TAF4B: variants seen among roughly 807,000 people sequenced by gnomAD.
TAF4B encodes TATA-box binding protein associated factor 4b.
TAF4B carries 38 observed loss-of-function variants against 86.4 expected under a neutral mutation model. The observed-to-expected ratio is 0.44, with a 90% confidence interval of 0.34 to 0.58. The LOEUF (loss-of-function observed/expected upper bound fraction) is 0.58. Ranked by LOEUF, TAF4B falls within the 20% of genes least tolerant of loss-of-function variation. The probability of loss-of-function intolerance (pLI) is 0.02; values close to 1 mark genes in which losing one functional copy is unlikely to be tolerated. For missense variants in TAF4B, 988 were observed against 1,027.6 expected, an observed-to-expected ratio of 0.96 and a Z score of 0.53; for synonymous variants, 388 against 391.2, an observed-to-expected ratio of 0.99 and a Z score of 0.10.
chr18:26,376,323 G>A (rs375705937), intron 14 of TAF4B, among the ~76,000 whole-genome samples: 2 of 151,276 alleles, frequency 1.3e-5, no homozygotes, highest in South Asian at 2.1e-4. Flanking sequence ...ATATTAAATA[G>A]TCTTTTCATT....
chr18:26,240,263 G>T (rs1249390854), intron 1 of TAF4B, among the ~76,000 whole-genome samples: 1 of 152,170 alleles, frequency 6.6e-6, no homozygotes, highest in Admixed American at 6.5e-5. Flanking sequence ...ATTTCATTGA[G>T]CAGTGGTTTG....
intron 14 of TAF4B, among the ~76,000 whole-genome samples, chr18:26,379,212 C>T (rs917339971): frequency 2.0e-5 from 3 of 152,046 alleles, no homozygotes; most frequent in African/African-American, 4.8e-5. Flanking sequence ...TTAATTTTGA[C>T]GAAGTCCAAT....
chr18:26,239,771 G>A lies in TAF4B; in HGVS notation c.343+12495G>A, dbSNP rs1331298256. Among the ~76,000 whole-genome samples, 6 of 152,184 alleles carry A rather than the reference G, an allele frequency of 3.9e-5. No individual in the cohort carries two copies. The South Asian group carries it at 6.2e-4, about 16-fold the overall frequency. The stretch of plus-strand genomic sequence containing the variant: ...TCTTGAATTAAGTTTTATATAAGGT[G>A]TAAGGAAGGGATCCAGTTTCAGCTT... On this transcript the variant is annotated intron_variant, in intron 1 of 14. Transcript: ENST00000269142.
intron 1 of TAF4B, among the ~76,000 whole-genome samples, chr18:26,230,268 G>A (rs2055645192): frequency 6.6e-6 from 1 of 152,186 alleles, no homozygotes; most frequent in South Asian, 2.1e-4. Flanking sequence ...CTGTACAAAA[G>A]TGTGAAAGTT....
rs1567913990 is a variant in TAF4B at position 26,346,843 on chromosome 18, GTGTATATATATATA to G, written c.2317-10843_2317-10830del. On this transcript the variant is annotated intron_variant, in intron 13 of 14. Transcript: ENST00000269142. Reference sequence around the variant, plus strand: ...TGTGTGTATATATATATATGTGTGTGTGTATATATATATATGTGTATATATATATATGTGTATAT... The same window carrying G: ...TGTGTGTATATATATATATGTGTGTGTGTGTATATATATATATGTGTATAT... 2.5e-3 allele frequency among the ~76,000 whole-genome samples: 43 copies of G among 17,198 alleles called. 1 individual carries two copies. The highest frequency in any genetic ancestry group is 4.9e-3 in the African/African-American group (33 of 6,766). The allele number at this position is 17,198 out of a possible 152,430, so 11.3% of individuals were successfully genotyped here.
intron 9 of TAF4B, among the ~76,000 whole-genome samples, chr18:26,309,831 T>A (rs2056835896): frequency 6.6e-6 from 1 of 152,074 alleles, no homozygotes; most frequent in Non-Finnish European, 1.5e-5. Context: ...ATATTTATTT[T>A]TTATTTTTTA....
intron 14 of TAF4B, among the ~76,000 whole-genome samples, chr18:26,364,637 GT>G (rs200922259): frequency 3.3e-5 from 5 of 150,042 alleles, no homozygotes; most frequent in South Asian, 2.1e-4. Context: ...ATCCAGCAAC[GT>G]TTTTTTTTAG....
chr18:26,229,698 T>TG (rs2055634443), intron 1 of TAF4B, among the ~76,000 whole-genome samples: 1 of 152,056 alleles, frequency 6.6e-6, no homozygotes, highest in Non-Finnish European at 1.5e-5. Flanking sequence ...AGATGGGGTT[T>TG]CACCATGTTG....
intron 1 of TAF4B, among the ~76,000 whole-genome samples, chr18:26,264,225 G>A (rs942428354): frequency 5.9e-5 from 9 of 152,162 alleles, no homozygotes; most frequent in Non-Finnish European, 1.3e-4. Context: ...GATCACCTGG[G>A]ATCAGGGATT....
chr18:26,360,165 T>C (rs1248026120), intron 14 of TAF4B, among the ~76,000 whole-genome samples: 1 of 152,222 alleles, frequency 6.6e-6, no homozygotes, highest in African/African-American at 2.4e-5. Flanking sequence ...TCATGATTTT[T>C]ATTAACAATT....
intron 13 of TAF4B, among the ~76,000 whole-genome samples, chr18:26,339,368 C>T (rs2057118659): frequency 6.6e-6 from 1 of 152,136 alleles, no homozygotes; most frequent in South Asian, 2.1e-4. Flanking sequence ...CTCTGTCACC[C>T]AGGCTGGAGC....
chr18:26,294,787 G>A (rs1406521724), intron 9 of TAF4B, among the ~76,000 whole-genome samples: 1 of 150,062 alleles, frequency 6.7e-6, no homozygotes. Flanking sequence ...TTTTACATAG[G>A]TAATAGATGG....
intron 1 of TAF4B, among the ~76,000 whole-genome samples, chr18:26,231,949 T>C (rs116433985): frequency 0.014 from 2,169 of 152,290 alleles, 40 homozygotes; most frequent in African/African-American, 0.05. Context: ...TGCACTTTTT[T>C]CAGTTCTCCC....
At chr18:26,256,397 C>T (rs770641560) in intron 1 of TAF4B, 18 of 1,173,206 alleles carry the variant, frequency 1.5e-5, no homozygotes, top group Non-Finnish European at 2.2e-5. Flanking sequence ...GCAGCCGTTC[C>T]ACGCGCAATA....
At chr18:26,382,709 G>C (rs531235145) in intron 14 of TAF4B, among the ~76,000 whole-genome samples, 1 of 152,074 alleles carries the variant, frequency 6.6e-6, no homozygotes, top group African/African-American at 2.4e-5. Context: ...GATGTTATTG[G>C]GTGACTCCAA....
chr18:26,244,074 T>C (rs777140553), intron 1 of TAF4B, among the ~76,000 whole-genome samples: 9 of 152,308 alleles, frequency 5.9e-5, no homozygotes, highest in Non-Finnish European at 1.2e-4. Context: ...TCAAACTCCG[T>C]GCTGGGAGAA....
At chr18:26,284,671 A>G (rs2056488770) in intron 6 of TAF4B, among the ~76,000 whole-genome samples, 1 of 152,170 alleles carries the variant, frequency 6.6e-6, no homozygotes, top group South Asian at 2.1e-4. Context: ...TGAGGTGAGG[A>G]GATGGAGACC....
intron 14 of TAF4B, among the ~76,000 whole-genome samples, chr18:26,367,715 C>T (rs1395580776): frequency 6.6e-6 from 1 of 152,204 alleles, no homozygotes; most frequent in Non-Finnish European, 1.5e-5. Flanking sequence ...CATACTGTTA[C>T]ATATCCACTG....
At position 26,226,718 on chromosome 18, in the gene TAF4B, A is replaced by C; in HGVS notation, c.-216A>C. Reference sequence around the variant, plus strand: ...GTCGGGCGGGTGTCGCTCCGGGGGCAGCCCAGGCTCGCGCGGACGAGAGGA... The same window carrying C: ...GTCGGGCGGGTGTCGCTCCGGGGGCCGCCCAGGCTCGCGCGGACGAGAGGA... On this transcript the variant is annotated 5_prime_UTR_variant, in exon 1 of 15. Coordinates refer to ENST00000269142, the MANE Select transcript of TAF4B (RefSeq NM_005640.3). The C allele has an allele frequency of 2.4e-6, 1 of 408,932 alleles. No individual in the cohort carries two copies. Among genetic ancestry groups the C allele is most frequent in the African/African-American group, 2.1e-5 (1 of 48,340 alleles). 25.3% of individuals were successfully genotyped at this position (408,932 alleles called of 1,614,324 possible).
Sources: allele counts gnomAD v4.1 joint callset (sites outside exome capture counted in the v4.1 genomes callset), GRCh38; gene constraint gnomAD v4.1.1; transcripts MANE v1.5; gene names NCBI Gene and HGNC (gene_info 2026-07-23, HGNC 2026-07-21).